Variants in ARHGEF4 observed in about 807,000 individuals in gnomAD.
The protein encoded by ARHGEF4 is Rho guanine nucleotide exchange factor 4, also known as APC-stimulated guanine nucleotide exchange factor 1.
In ARHGEF4, 119 loss-of-function variants were observed where a neutral mutation model predicts 162.0. The ratio of observed to expected loss-of-function variants is 0.73; its 90% confidence interval spans 0.63 to 0.86. The LOEUF (loss-of-function observed/expected upper bound fraction) is 0.86, where lower values mean the gene tolerates loss of function less well. Among genes scored for constraint, ARHGEF4 ranks in the 40% least tolerant of loss-of-function variants. The pLI is 0.00. For missense variants in ARHGEF4, 2,488 were observed against 2,456.0 expected (o/e 1.01, Z -0.28); for synonymous variants, 1,014 against 979.9 (o/e 1.03, Z -0.65).
intron 4 of ARHGEF4, among the ~76,000 whole-genome samples, chr2:131,019,673 G>A (rs886558740): frequency 5.9e-5 from 9 of 151,274 alleles, no homozygotes; most frequent in East Asian, 3.9e-4. Flanking sequence ...TCGCTCTGTC[G>A]CCCAGGCTGG....
At chr2:130,907,006 C>G (rs1680851444) in intron 1 of ARHGEF4, among the ~76,000 whole-genome samples, 1 of 152,104 alleles carries the variant, frequency 6.6e-6, no homozygotes, top group Non-Finnish European at 1.5e-5. Context: ...TCGTGTTGCC[C>G]TTTAGTAGTA....
At chr2:130,889,722 G>A (rs1406956458) in intron 1 of ARHGEF4, among the ~76,000 whole-genome samples, 1 of 144,584 alleles carries the variant, frequency 6.9e-6, no homozygotes, top group Non-Finnish European at 1.5e-5. Context: ...TGAGGCAGGA[G>A]AATCACTTGA....
At chr2:130,970,391 C>A (rs1685276106) in intron 4 of ARHGEF4, among the ~76,000 whole-genome samples, 1 of 152,018 alleles carries the variant, frequency 6.6e-6, no homozygotes, top group Non-Finnish European at 1.5e-5. Flanking sequence ...GCGTTCGAGA[C>A]CAGCCTGACC....
intron 3 of ARHGEF4, among the ~76,000 whole-genome samples, chr2:130,937,997 G>A (rs1330918053): frequency 6.6e-6 from 1 of 152,096 alleles, no homozygotes; most frequent in South Asian, 2.1e-4. Flanking sequence ...TGAAAACTGG[G>A]CATCTTGAAT....
rs77104436 is a variant in ARHGEF4, at chr2:130,879,934, C to T, written c.40-34052C>T. Among the ~76,000 whole-genome samples, 1,407 of 152,206 alleles carry T rather than the reference C, an allele frequency of 9.2e-3. 12 individuals are homozygous for T. The highest frequency in any genetic ancestry group is 0.02 in the Middle Eastern group (6 of 294). ...GCTGGGACTACAGATGACGTCCTTC[C>T]TTTTTAAGGCTGAATAATATTCCAT... On this transcript the variant is annotated intron_variant, in intron 1 of 13. Coordinates refer to ENST00000409359, the MANE Select transcript of ARHGEF4 (RefSeq NM_001367493.1).
chr2:130,972,682 C>A (rs1168732949), intron 4 of ARHGEF4, among the ~76,000 whole-genome samples: 1 of 152,154 alleles, frequency 6.6e-6, no homozygotes, highest in Non-Finnish European at 1.5e-5. Flanking sequence ...AAAACAAAAA[C>A]CTATCTGTAA....
At chr2:131,024,863 C>T (rs991035598) in intron 4 of ARHGEF4, among the ~76,000 whole-genome samples, 1 of 152,184 alleles carries the variant, frequency 6.6e-6, no homozygotes. Flanking sequence ...GTTCCTTATA[C>T]TATTTTCTCT....
In ARHGEF4 at chr2:130,852,243, G is replaced by A. The variant is rs190679408; in HGVS notation, c.39+15251G>A. Among the ~76,000 whole-genome samples, 187 of 152,310 alleles carry A rather than the reference G, an allele frequency of 1.2e-3. 2 individuals carry two copies. Among genetic ancestry groups the A allele is most frequent in the African/African-American group, 4.1e-3 (169 of 41,578 alleles). ...AGGTGGGCTGGCCCACAGCGACAGC[G>A]TCACCTGTGCAGTGGGAGATATGAC... is the stretch of plus-strand genomic sequence containing the variant. On this transcript the variant is annotated intron_variant, in intron 1 of 13. Coordinates refer to ENST00000409359, the MANE Select transcript of ARHGEF4 (RefSeq NM_001367493.1).
At chr2:130,966,907 T>C (rs1041550386) in intron 4 of ARHGEF4, among the ~76,000 whole-genome samples, 4 of 152,250 alleles carry the variant, frequency 2.6e-5, no homozygotes, top group Non-Finnish European at 5.9e-5. Context: ...ACATTGTGTT[T>C]CTGTTTGACT....
chr2:130,871,347 C>G (rs1054184754), intron 1 of ARHGEF4, among the ~76,000 whole-genome samples: 21 of 152,020 alleles, frequency 1.4e-4, no homozygotes, highest in Non-Finnish European at 2.8e-4. Flanking sequence ...ACTAGCCTGG[C>G]CAACATGGTG....
chr2:131,042,096 C>A, intron 10 of ARHGEF4, 152 bp downstream of exon 10: 1 of 1,216,864 alleles, frequency 8.2e-7, no homozygotes, highest in Non-Finnish European at 1.1e-6. Flanking sequence ...AGCCTGTCCC[C>A]AGCGTGGGCT....
chr2:130,981,469 G>A (rs868235082), intron 4 of ARHGEF4, among the ~76,000 whole-genome samples: 25 of 152,026 alleles, frequency 1.6e-4, no homozygotes, highest in Non-Finnish European at 2.9e-5. Context: ...GACCAGCTTG[G>A]CCAATATGGT....
chr2:131,035,598 G>A, intron 5 of ARHGEF4: 1 of 937,400 alleles, frequency 1.1e-6, no homozygotes, highest in Non-Finnish European at 1.3e-6. Flanking sequence ...GCATGTGACC[G>A]CTGGGTGAGC....
At chr2:130,950,938 T>C (rs928007836) in intron 4 of ARHGEF4, among the ~76,000 whole-genome samples, 1 of 152,234 alleles carries the variant, frequency 6.6e-6, no homozygotes, top group South Asian at 2.1e-4. Flanking sequence ...TGATGAGCAA[T>C]TGGATTACTT....
intron 1 of ARHGEF4, among the ~76,000 whole-genome samples, chr2:130,843,878 G>A (rs1680768602): frequency 6.6e-6 from 1 of 152,192 alleles, no homozygotes; most frequent in Non-Finnish European, 1.5e-5. Flanking sequence ...CCAGATTGAT[G>A]TTTCTAGAGA....
In ARHGEF4 at chr2:130,916,435, A is replaced by AG; in HGVS notation, c.2493dup (p.Leu832AlafsTer54). ...CGCCGCTGGGGCTCTTCAGGCCCCG[A>AG]GGGGCTCCCCAGGGAGAATCCGCCC... On this transcript the variant is annotated frameshift_variant, in exon 2 of 14. Transcript: ENST00000409359. LOFTEE classifies it high-confidence loss of function. 6.5e-7 allele frequency: 1 copy of AG among 1,538,460 alleles called. No homozygotes were observed. Among genetic ancestry groups the AG allele is most frequent in the East Asian group, 2.5e-5 (1 of 40,796 alleles).
Position 131,043,509 on chromosome 2 carries a change from G to A in ARHGEF4, c.5083G>A (p.Val1695Ile), listed in dbSNP as rs1690982177. 4 of 1,614,108 alleles carry A rather than the reference G, an allele frequency of 2.5e-6. No individual in the cohort carries two copies. The East Asian group carries it at 8.9e-5, about 36-fold the overall frequency. Residue 1695 changes from valine to isoleucine, a missense_variant, in exon 11 of 14, where the codon GTT (valine) becomes ATT (isoleucine). By Grantham distance (29) the Val-to-Ile change is conservative (BLOSUM62 3). Coordinates refer to ENST00000409359, the MANE Select transcript of ARHGEF4 (RefSeq NM_001367493.1). ...ELIYSGELTR[V>I]TQPQAKSQQR... ...CATCTACTCGGGGGAGCTGACTCGA[G>A]TTACACAGCCTCAAGCCAAAAGCCA...
intron 5 of ARHGEF4, among the ~76,000 whole-genome samples, chr2:131,037,800 GC>G (rs1690417433): frequency 6.6e-6 from 1 of 152,194 alleles, no homozygotes; most frequent in Non-Finnish European, 1.5e-5. Flanking sequence ...GGTTATTTGA[GC>G]AGAGAGAAGC....
chr2:131,045,167 G>C (rs1355998210), intron 12 of ARHGEF4, among the ~76,000 whole-genome samples: 1 of 152,198 alleles, frequency 6.6e-6, no homozygotes, highest in African/African-American at 2.4e-5. Flanking sequence ...AGGAGCCCCA[G>C]GACAGGACAC....
Sources: gnomAD v4.1 joint callset for allele counts (sites outside exome capture counted in the v4.1 genomes callset) on GRCh38, gnomAD v4.1.1 for gene constraint, MANE v1.5 for transcripts, NCBI Gene and HGNC (gene_info 2026-07-23, HGNC 2026-07-21) for gene names.